The following PARD3 variants were observed in gnomAD, a reference collection of about 807,000 sequenced individuals.
PARD3 encodes partitioning defective 3 homolog.
In PARD3, 75 loss-of-function variants were observed where a neutral mutation model predicts 155.4. The observed-to-expected ratio is 0.48, with a 90% CI of 0.40 to 0.58. The LOEUF (loss-of-function observed/expected upper bound fraction) is 0.58. Ranked by LOEUF, PARD3 falls within the 20% of genes least tolerant of loss-of-function variation. The pLI, the probability that PARD3 is intolerant of heterozygous loss-of-function variation, is 0.00. For missense variants in PARD3, 1,642 were observed against 1,721.7 expected (o/e 0.95, Z 0.82); for synonymous variants, 576 against 610.5 (o/e 0.94, Z 0.83).
intron 20 of PARD3, chr10:34,312,328 A>G: frequency 6.2e-7 from 1 of 1,611,748 alleles, no homozygotes; most frequent in South Asian, 1.1e-5. Flanking sequence ...GCTGTTCAAG[A>G]CATGTTTTGA....
intron 2 of PARD3, among the ~76,000 whole-genome samples, chr10:34,591,252 G>C (rs2134364810): frequency 6.6e-6 from 1 of 152,078 alleles, no homozygotes; most frequent in Admixed American, 6.6e-5. Context: ...CTTTATCTCT[G>C]TGTGTGCCCA....
At chr10:34,307,049 G>C (rs1175439653) in intron 20 of PARD3, among the ~76,000 whole-genome samples, 1 of 81,334 alleles carries the variant, frequency 1.2e-5, no homozygotes, top group Non-Finnish European at 2.2e-5. Flanking sequence ...ACCACGCCCG[G>C]CTAATTTTTT....
chr10:34,619,044 CT>C (rs869232523), intron 2 of PARD3, among the ~76,000 whole-genome samples: 3,563 of 143,036 alleles, frequency 0.025, 119 homozygotes, highest in African/African-American at 0.079. Flanking sequence ...CCCATAAAGC[CT>C]TTTTTTTTTT....
chr10:34,548,701 A>T (rs1657224), intron 2 of PARD3, among the ~76,000 whole-genome samples: 76,759 of 151,622 alleles, frequency 0.51, 20,974 homozygotes, highest in African/African-American at 0.73. Flanking sequence ...AACTTGCCAT[A>T]CTTTTCTCTG....
intron 1 of PARD3, among the ~76,000 whole-genome samples, chr10:34,776,836 G>C (rs58715657): frequency 2.5e-4 from 2 of 7,892 alleles, no homozygotes; most frequent in Non-Finnish European, 1.9e-3. Context: ...GTTTTTTTGT[G>C]GGGGGGGGGG....
At chr10:34,768,354 T>TAACTCGAAGCAAAGGCGGGAC (rs1338655261) in intron 1 of PARD3, among the ~76,000 whole-genome samples, 28,175 of 129,432 alleles carry the variant, frequency 0.22, 4,325 homozygotes, top group East Asian at 0.51. Context: ...AAAGGCGGGA[T>TAACTCGAAGCAAAGGCGGGAC]AACTCGAAGC....
At chr10:34,433,022 G>C (rs936933657) in intron 5 of PARD3, among the ~76,000 whole-genome samples, 2 of 151,974 alleles carry the variant, frequency 1.3e-5, no homozygotes, top group African/African-American at 4.8e-5. Flanking sequence ...TAACAGCAGG[G>C]GGAAAACTGC....
At chr10:34,184,062 T>C (rs2799457) in intron 22 of PARD3, among the ~76,000 whole-genome samples, 87,064 of 152,028 alleles carry the variant, frequency 0.57, 26,182 homozygotes, top group African/African-American at 0.77. Context: ...AAGCAACCCA[T>C]CTGCCTCTGC....
At chr10:34,771,739 G>A (rs1838892133) in intron 1 of PARD3, among the ~76,000 whole-genome samples, 2 of 152,336 alleles carry the variant, frequency 1.3e-5, no homozygotes, top group South Asian at 4.1e-4. Context: ...GTTCAGGCTG[G>A]TATACAGAAA....
chr10:34,419,510 C>T (rs1384991435), intron 5 of PARD3, among the ~76,000 whole-genome samples: 1 of 151,532 alleles, frequency 6.6e-6, no homozygotes, highest in Non-Finnish European at 1.5e-5. Flanking sequence ...GAGCAAGACT[C>T]CGTCTCAAAA....
chr10:34,357,000 T>C (rs1368173646), intron 14 of PARD3, among the ~76,000 whole-genome samples: 1 of 152,244 alleles, frequency 6.6e-6, no homozygotes, highest in Admixed American at 6.5e-5. Flanking sequence ...TGCAGCTGTT[T>C]CCTTACTTAA....
At chr10:34,789,055 AAATT>A (rs1841327956) in intron 1 of PARD3, among the ~76,000 whole-genome samples, 2 of 152,260 alleles carry the variant, frequency 1.3e-5, no homozygotes, top group South Asian at 4.1e-4. Flanking sequence ...AAAAATGAGA[AAATT>A]AATTAACTTC....
At chr10:34,646,676 G>A (rs2092847071) in intron 2 of PARD3, among the ~76,000 whole-genome samples, 1 of 152,026 alleles carries the variant, frequency 6.6e-6, no homozygotes, top group Non-Finnish European at 1.5e-5. Context: ...ATTGCTTTTC[G>A]TGTGCGTGAG....
intron 17 of PARD3, among the ~76,000 whole-genome samples, chr10:34,336,619 A>G (rs1280464193): frequency 2.0e-5 from 3 of 152,162 alleles, no homozygotes; most frequent in Non-Finnish European, 4.4e-5. Flanking sequence ...CATTCAGTGT[A>G]TAAATATAAT....
At position 34,371,511 on chromosome 10, in the gene PARD3, AAAAAAAAAAAAAAAAAAAAAAC is replaced by A. The variant is rs1188371585; in HGVS notation, c.1707+965_1707+986del. On this transcript the variant is annotated intron_variant, in intron 12 of 24. Coordinates refer to ENST00000374788, the MANE Select transcript of PARD3 (RefSeq NM_001184785.2). ...CAAAAAAAAAAAAAAAAAAAAAAAAAAAAAAAAAAAAAAAAAAAAAACAACGAAGGAATATTTGAAAAATAAC... is the reference window on the plus strand; with the variant it reads ...CAAAAAAAAAAAAAAAAAAAAAAAAAAACGAAGGAATATTTGAAAAATAAC... 5.5e-3 allele frequency among the ~76,000 whole-genome samples: 729 copies of A among 132,648 alleles called. 101 individuals carry two copies. The highest frequency in any genetic ancestry group is 0.018 in the African/African-American group (687 of 37,282). 87.0% of individuals were successfully genotyped at this position (132,648 alleles called of 152,430 possible). A position where few individuals can be genotyped will look rare whatever the true frequency, so the allele number is the denominator to read the frequency against.
At chr10:34,648,739 T>C (rs2092920369) in intron 2 of PARD3, among the ~76,000 whole-genome samples, 1 of 152,182 alleles carries the variant, frequency 6.6e-6, no homozygotes, top group Non-Finnish European at 1.5e-5. Context: ...CACACAGTGG[T>C]CTGCGGGTTG....
intron 2 of PARD3, among the ~76,000 whole-genome samples, chr10:34,599,638 C>T (rs1403321513): frequency 6.6e-6 from 1 of 152,100 alleles, no homozygotes; most frequent in African/African-American, 2.4e-5. Flanking sequence ...AAAAAAATAG[C>T]CAACAACTGA....
intron 3 of PARD3, among the ~76,000 whole-genome samples, chr10:34,487,185 C>T (rs2079534588): frequency 6.6e-6 from 1 of 152,034 alleles, no homozygotes; most frequent in Non-Finnish European, 1.5e-5. Flanking sequence ...TTCTGGGCCT[C>T]TTCTCACTCA....
At chr10:34,371,454 G>A (rs1423720823) in intron 12 of PARD3, among the ~76,000 whole-genome samples, 1 of 117,888 alleles carries the variant, frequency 8.5e-6, no homozygotes, top group African/African-American at 3.1e-5. Context: ...CAAGGCTGCA[G>A]TGAGCCATGA....
Sources: allele counts gnomAD v4.1 joint callset (sites outside exome capture counted in the v4.1 genomes callset), GRCh38; gene constraint gnomAD v4.1.1; transcripts MANE v1.5; gene names NCBI Gene and HGNC (gene_info 2026-07-23, HGNC 2026-07-21).